DNAH11: variants seen among roughly 807,000 people sequenced by gnomAD.
DNAH11 encodes the protein axonemal beta dynein heavy chain 11.
DNAH11 carries 442 observed loss-of-function variants against 526.0 expected under a neutral mutation model. The observed-to-expected ratio is 0.84, with a 90% confidence interval of 0.78 to 0.91. DNAH11 has a LOEUF of 0.91. Among genes scored for constraint, DNAH11 ranks in the 40% least tolerant of loss-of-function variants. DNAH11 has a pLI of 0.00. For synonymous variants in DNAH11, 2,461 were observed against 1,935.9 expected (o/e 1.27, Z -7.12); for missense variants, 6,989 against 5,448.7 (o/e 1.28, Z -8.90).
chr7:21,705,446 T>G lies in DNAH11; in HGVS notation c.6469-14T>G, dbSNP rs1485895035. The G allele has an allele frequency of 3.7e-6, 6 of 1,613,268 alleles. No homozygotes were observed. Among genetic ancestry groups the G allele is most frequent in the Non-Finnish European group, 5.1e-6 (6 of 1,179,534 alleles). On this transcript the variant is annotated splice_polypyrimidine_tract_variant and intron_variant, in intron 38 of 81. Transcript: ENST00000409508. ...TCCTTAAAGGAAACCAGCAACCAGCTGTTTGCTCTGCAGGTTGTCCAGCTT... is the reference window on the plus strand; with the variant it reads ...TCCTTAAAGGAAACCAGCAACCAGCGGTTTGCTCTGCAGGTTGTCCAGCTT...
In DNAH11 at chr7:21,740,493, C is replaced by A. The variant is rs373210333; in HGVS notation, c.7914+820C>A. ...TTATCCAGTATTTGTCTTTTTGTGG[C>A]TGGCTTATTTCACTTAGCATAATGT... On this transcript the variant is annotated intron_variant, in intron 48 of 81. Coordinates refer to ENST00000409508, the MANE Select transcript of DNAH11 (RefSeq NM_001277115.2). 5.1e-4 allele frequency among the ~76,000 whole-genome samples: 78 copies of A among 152,312 alleles called. 2 individuals carry two copies. In the South Asian group the frequency reaches 0.015, roughly 29 times the overall value.
chr7:21,648,694 G>A (rs896212335), intron 28 of DNAH11, among the ~76,000 whole-genome samples: 1 of 152,178 alleles, frequency 6.6e-6, no homozygotes, highest in African/African-American at 2.4e-5. Context: ...ATACTGCAAA[G>A]TTAATTAATA....
intron 65 of DNAH11, among the ~76,000 whole-genome samples, chr7:21,836,074 C>T (rs6959594): frequency 0.23 from 35,456 of 151,722 alleles, 5,427 homozygotes; most frequent in African/African-American, 0.43. Flanking sequence ...AAGAAAACTA[C>T]AAAACATTGA....
In DNAH11 at chr7:21,771,642, G is replaced by A. The variant is rs141907350; in HGVS notation, c.9103-2124G>A. Among the ~76,000 whole-genome samples, 37 of 152,186 alleles carry A rather than the reference G, an allele frequency of 2.4e-4. 1 individual carries two copies. The highest frequency in any genetic ancestry group is 4.1e-4 in the South Asian group (2 of 4,824). On this transcript the variant is annotated intron_variant, in intron 55 of 81. Coordinates refer to ENST00000409508, the MANE Select transcript of DNAH11 (RefSeq NM_001277115.2). ...TTGAGTTTATAACCATTCGATACTG[G>A]CACTCTGCTTATTTTTATTTTTGCC...
chr7:21,738,295 G>C (rs1473798455), intron 46 of DNAH11, among the ~76,000 whole-genome samples: 1 of 152,172 alleles, frequency 6.6e-6, no homozygotes, highest in East Asian at 1.9e-4. Context: ...ACTTTCCTGA[G>C]CTGTTCTCAG....
At chr7:21,819,470 C>A (rs183084757) in intron 65 of DNAH11, among the ~76,000 whole-genome samples, 3 of 152,282 alleles carry the variant, frequency 2.0e-5, no homozygotes, top group African/African-American at 4.8e-5. Flanking sequence ...TGACAAACTG[C>A]AACTCTTAAC....
intron 61 of DNAH11, among the ~76,000 whole-genome samples, chr7:21,795,187 A>G (rs1302663041): frequency 6.6e-6 from 1 of 152,186 alleles, no homozygotes; most frequent in Non-Finnish European, 1.5e-5. Flanking sequence ...TACATTTAAC[A>G]TTTAAAAATG....
At chr7:21,679,898 T>C (rs1230552915) in intron 30 of DNAH11, among the ~76,000 whole-genome samples, 2 of 152,312 alleles carry the variant, frequency 1.3e-5, no homozygotes, top group African/African-American at 4.8e-5. Context: ...ACTTTAAGTT[T>C]TAGGGTACAT....
At chr7:21,563,751 A>G (rs1783555325) in intron 5 of DNAH11, among the ~76,000 whole-genome samples, 1 of 152,210 alleles carries the variant, frequency 6.6e-6, no homozygotes, top group Non-Finnish European at 1.5e-5. Context: ...GGAAACTGGA[A>G]TGAGAGAGTA....
chr7:21,617,555 C>A (rs368446330), intron 22 of DNAH11, 64 bp from the exon 23 acceptor site: 4 of 1,558,262 alleles, frequency 2.6e-6, no homozygotes, highest in Non-Finnish European at 2.6e-6. Context: ...TCAAAGGAGG[C>A]AAATTATTAA....
chr7:21,649,513 A>T (rs974463222), intron 28 of DNAH11, among the ~76,000 whole-genome samples: 1 of 152,228 alleles, frequency 6.6e-6, no homozygotes, highest in Non-Finnish European at 1.5e-5. Flanking sequence ...AATAAATTCA[A>T]GTGACATAAT....
chr7:21,901,038 T>C lies in DNAH11; in HGVS notation c.13335T>C (p.Ile4445=), dbSNP rs934018358. 10 of 1,611,010 alleles carry C rather than the reference T, an allele frequency of 6.2e-6. No individual in the cohort carries two copies. The highest frequency in any genetic ancestry group is 1.7e-5 in the Admixed American group (1 of 59,572). Residue 4445 remains isoleucine (I), a synonymous_variant, in exon 82 of 82, where the codon ATT becomes ATC. Coordinates refer to ENST00000409508, the MANE Select transcript of DNAH11 (RefSeq NM_001277115.2). ...GCTGGGACACCCAAGCAGGAACCAT[T>C]GTTGAAGCCCGTCTCAAGGAGCTGG... The part of the protein sequence containing the change: ...GARWDTQAGT[I]VEARLKELAC...
chr7:21,861,866 T>A lies in DNAH11; in HGVS notation c.11216T>A (p.Leu3739Gln). ...TAAATTTCCCAGGCTTTTAACGTGC[T>A]GTTCCACAGAGCGATCGAGCAGGCT... ...YQFSLKAFNV[L>Q]FHRAIEQADK... Residue 3739 changes from leucine to glutamine, a missense_variant, in exon 69 of 82, where the codon CTG becomes CAG. By Grantham distance (113) the Leu-to-Gln change is moderately radical (BLOSUM62 -2). Transcript: ENST00000409508. The A allele has an allele frequency of 6.2e-7, 1 of 1,612,400 alleles. No individual in the cohort carries two copies. Among genetic ancestry groups the A allele is most frequent in the Non-Finnish European group, 8.5e-7 (1 of 1,179,310 alleles).
intron 34 of DNAH11, among the ~76,000 whole-genome samples, chr7:21,690,278 A>C (rs753327238): frequency 2.6e-5 from 4 of 152,182 alleles, no homozygotes; most frequent in Admixed American, 2.6e-4. Flanking sequence ...CCTCTCAGTG[A>C]TATTTAATAG....
chr7:21,674,299 A>G (rs1782772348), intron 30 of DNAH11, among the ~76,000 whole-genome samples: 2 of 151,910 alleles, frequency 1.3e-5, no homozygotes, highest in South Asian at 2.1e-4. Flanking sequence ...CAGGTGATCC[A>G]CCCACCCTGG....
chr7:21,557,691 T>C (rs541180068), intron 2 of DNAH11, among the ~76,000 whole-genome samples: 4 of 152,310 alleles, frequency 2.6e-5, no homozygotes, highest in African/African-American at 9.6e-5. Context: ...CCTTGCCCTG[T>C]TCTTTCATCT....
chr7:21,728,237 CTTTTTTTTTTTTTTTTTTTTTTTTTTTT>C (rs71026816), intron 45 of DNAH11, among the ~76,000 whole-genome samples: 1 of 58,870 alleles, frequency 1.7e-5, no homozygotes, highest in Admixed American at 2.6e-4. Context: ...GCCCACAATT[CTTTTTTTTTTTTTTTTTTTTTTTTTTTT>C]TTTTTTTTTT....
Position 21,606,451 on chromosome 7 carries a change from C to T in DNAH11, c.3674C>T (p.Thr1225Ile), listed in dbSNP as rs2128448890. The change falls in exon 19 of 82, where the codon ACC becomes ATC. Residue 1225 changes from threonine (T) to isoleucine (I), a missense_variant. Physicochemically the swap from Thr to Ile is moderately conservative, Grantham distance 89. Transcript: ENST00000409508. Reference sequence around the variant, plus strand: ...GAATTACCTGAAAGATGGGAAACTACCAAAAAGATCGCAGCAACTGTCAGA... The same window carrying T: ...GAATTACCTGAAAGATGGGAAACTATCAAAAAGATCGCAGCAACTGTCAGA... Reference protein sequence around the residue: ...LEELPERWETTKKIAATVRHE... With the variant: ...LEELPERWETIKKIAATVRHE... 2.5e-6 allele frequency: 4 copies of T among 1,606,112 alleles called. No homozygotes were observed. The South Asian group carries it at 3.4e-5, about 14-fold the overall frequency.
rs111750443 is a variant in DNAH11 at position 21,612,534 on chromosome 7, G to C, written c.3853-2580G>C. Among the ~76,000 whole-genome samples the C allele has an allele frequency of 2.6e-3, 329 of 128,780 alleles. 3 individuals are homozygous for C. Among genetic ancestry groups the C allele is most frequent in the African/African-American group, 9.7e-3 (315 of 32,538 alleles). The allele number at this position is 128,780 out of a possible 152,430, so 84.5% of individuals were successfully genotyped here. The stretch of plus-strand genomic sequence containing the variant: ...TGCACCACTGCACTCCAGCCTGGGC[G>C]ACAGAGTGAGGCTCCGTCTCAAAAA... On this transcript the variant is annotated intron_variant, in intron 20 of 81. Coordinates refer to ENST00000409508, the MANE Select transcript of DNAH11 (RefSeq NM_001277115.2).
Sources: gnomAD v4.1 joint callset for allele counts (sites outside exome capture counted in the v4.1 genomes callset) on GRCh38, gnomAD v4.1.1 for gene constraint, MANE v1.5 for transcripts, NCBI Gene and HGNC (gene_info 2026-07-23, HGNC 2026-07-21) for gene names.